The following DENND2B variants were observed in gnomAD, a reference collection of about 807,000 sequenced individuals.
DENND2B encodes DENN domain containing 2B.
Under a neutral mutation model 116.0 loss-of-function variants are expected in DENND2B, and 32 were observed. The ratio of observed to expected loss-of-function variants is 0.28; its 90% CI spans 0.21 to 0.37. The LOEUF (loss-of-function observed/expected upper bound fraction) is 0.37, where lower values mean the gene tolerates loss of function less well. Among genes scored for constraint, DENND2B ranks in the 10% least tolerant of loss-of-function variants. DENND2B has a pLI of 1.00. For synonymous variants in DENND2B, 588 were observed against 583.9 expected (o/e 1.01, Z -0.10); for missense variants, 1,276 against 1,477.7 (o/e 0.86, Z 2.24).
chr11:8,793,162 A>G lies in DENND2B; in HGVS notation c.-26+17355T>C, dbSNP rs575139602. ...GTAAATTACAAGTGATATGTTTTTCAGTACAGTATAATCTTTTCTTTCCAT... is the reference window on the plus strand; with the variant it reads ...GTAAATTACAAGTGATATGTTTTTCGGTACAGTATAATCTTTTCTTTCCAT... On this transcript the variant is annotated intron_variant, in intron 1 of 19. Coordinates refer to ENST00000313726, the MANE Select transcript of DENND2B (RefSeq NM_213618.2). Among the ~76,000 whole-genome samples the G allele has an allele frequency of 2.0e-5, 3 of 152,364 alleles. No homozygotes were observed. The South Asian group carries it at 6.2e-4, about 32-fold the overall frequency.
At chr11:8,890,893 C>A (rs1240412961) in intron 1 of DENND2B, among the ~76,000 whole-genome samples, 2 of 152,070 alleles carry the variant, frequency 1.3e-5, no homozygotes, top group African/African-American at 4.8e-5. Context: ...ACAGAGAACA[C>A]CACAAAGATA....
chr11:8,715,495 G>T, intron 6 of DENND2B, 108 bp downstream of exon 6: 1 of 1,120,724 alleles, frequency 8.9e-7, no homozygotes, highest in East Asian at 2.4e-5. Context: ...AGGGAATCGA[G>T]GAAGCAGTCC....
At chr11:8,743,241 A>G (rs778653575) in intron 2 of DENND2B, among the ~76,000 whole-genome samples, 39 of 151,874 alleles carry the variant, frequency 2.6e-4, no homozygotes, top group Non-Finnish European at 5.1e-4. Context: ...TGAGACTGAA[A>G]AACCCTTTGT....
intron 4 of DENND2B, among the ~76,000 whole-genome samples, chr11:8,820,818 A>G (rs184251758): frequency 1.3e-5 from 2 of 152,304 alleles, no homozygotes; most frequent in East Asian, 3.9e-4. Flanking sequence ...ACTATTGTGC[A>G]GCCATTGTAA....
intron 1 of DENND2B, among the ~76,000 whole-genome samples, chr11:8,801,517 A>T (rs1415944220): frequency 1.3e-5 from 2 of 151,934 alleles, no homozygotes; most frequent in Non-Finnish European, 2.9e-5. Context: ...TCTCTACTAA[A>T]ATACAAAAAA....
At chr11:8,890,244 G>A (rs532129982) in intron 1 of DENND2B, among the ~76,000 whole-genome samples, 22 of 152,216 alleles carry the variant, frequency 1.4e-4, no homozygotes, top group African/African-American at 3.9e-4. Flanking sequence ...CCATATGTAC[G>A]TCACCATCAT....
At chr11:8,709,082 G>A (rs970690659) in intron 11 of DENND2B, among the ~76,000 whole-genome samples, 9 of 152,216 alleles carry the variant, frequency 5.9e-5, no homozygotes, top group Non-Finnish European at 8.8e-5. Context: ...TGGCAAGTCC[G>A]AGTGGGGAGG....
chr11:8,695,572 G>T (rs1397665413), intron 18 of DENND2B, 23 bp from the exon 19 acceptor site: 1 of 1,608,342 alleles, frequency 6.2e-7, no homozygotes, highest in South Asian at 1.1e-5. Context: ...AACAGGCACA[G>T]GGAAGAGAAC....
chr11:8,891,972 A>G (rs2064039683), intron 1 of DENND2B, among the ~76,000 whole-genome samples: 1 of 152,230 alleles, frequency 6.6e-6, no homozygotes, highest in Admixed American at 6.5e-5. Context: ...TTATTCGAAA[A>G]TTGACCACAT....
chr11:8,898,208 G>C (rs2064126009), intron 1 of DENND2B, among the ~76,000 whole-genome samples: 1 of 152,052 alleles, frequency 6.6e-6, no homozygotes, highest in South Asian at 2.1e-4. Context: ...GTTGACCCAG[G>C]GGCAATTCCT....
chr11:8,803,212 C>A (rs1593930659), intron 1 of DENND2B, among the ~76,000 whole-genome samples: 3 of 151,780 alleles, frequency 2.0e-5, no homozygotes, highest in Admixed American at 6.6e-5. Context: ...TGGTGAAACC[C>A]CGTCTCTACT....
chr11:8,749,549 T>C (rs1012495033), intron 2 of DENND2B, among the ~76,000 whole-genome samples: 1 of 152,236 alleles, frequency 6.6e-6, no homozygotes, highest in African/African-American at 2.4e-5. Flanking sequence ...CCCTGCCTCC[T>C]TCATGACAGT....
chr11:8,793,786 T>C (rs1393119259), intron 1 of DENND2B, among the ~76,000 whole-genome samples: 2 of 152,108 alleles, frequency 1.3e-5, no homozygotes, highest in African/African-American at 2.4e-5. Flanking sequence ...AATCAAACTT[T>C]CCCACAGCAG....
intron 1 of DENND2B, among the ~76,000 whole-genome samples, chr11:8,753,705 G>A (rs2053009488): frequency 6.7e-6 from 1 of 149,738 alleles, no homozygotes; most frequent in Admixed American, 6.6e-5. Context: ...CATAAGAACA[G>A]AAACAGAGAT....
chr11:8,817,211 G>A (rs2061599309), intron 4 of DENND2B, among the ~76,000 whole-genome samples: 1 of 152,182 alleles, frequency 6.6e-6, no homozygotes, highest in Non-Finnish European at 1.5e-5. Context: ...TTGAACAGCT[G>A]ACAATACCTA....
intron 1 of DENND2B, among the ~76,000 whole-genome samples, chr11:8,754,178 C>T (rs977576487): frequency 1.3e-5 from 2 of 152,008 alleles, no homozygotes; most frequent in African/African-American, 4.8e-5. Flanking sequence ...AATCATGTAT[C>T]TCCTAAGAAA....
intron 1 of DENND2B, chr11:8,785,283 A>C (rs1593664496): frequency 6.6e-6 from 1 of 152,176 alleles, no homozygotes; most frequent in South Asian, 2.1e-4. Context: ...TTTTCTTTAC[A>C]TTAAAAACTG....
intron 4 of DENND2B, among the ~76,000 whole-genome samples, chr11:8,725,416 C>T (rs1260581889): frequency 6.6e-6 from 1 of 151,474 alleles, no homozygotes; most frequent in Admixed American, 6.6e-5. Flanking sequence ...CTCATGTTGC[C>T]CAGGCAGGAG....
chr11:8,734,548 G>A (rs2048645849), intron 2 of DENND2B, among the ~76,000 whole-genome samples: 1 of 152,108 alleles, frequency 6.6e-6, no homozygotes, highest in South Asian at 2.1e-4. Flanking sequence ...GGCACTTTGG[G>A]AGGCTGAGAC....
Sources: allele counts gnomAD v4.1 joint callset (sites outside exome capture counted in the v4.1 genomes callset), GRCh38; gene constraint gnomAD v4.1.1; transcripts MANE v1.5; gene names NCBI Gene and HGNC (gene_info 2026-07-23, HGNC 2026-07-21).